The following DNM3 variants were observed in gnomAD, a reference collection of about 807,000 sequenced individuals.
DNM3 encodes the protein dynamin-3.
A neutral mutation model predicts 101.6 loss-of-function variants in DNM3; 47 were observed. The observed-to-expected ratio is 0.46, with a 90% CI of 0.37 to 0.59. The LOEUF is 0.59. DNM3 is among the 20% of genes least tolerant of loss of function. The pLI, the probability that DNM3 is intolerant of heterozygous loss-of-function variation, is 0.00. For synonymous variants in DNM3, 385 were observed against 387.9 expected (o/e 0.99, Z 0.09); for missense variants, 849 against 1,085.7 (o/e 0.78, Z 3.06).
rs748904460 is a variant in DNM3 at position 171,841,666 on chromosome 1, C to T, written c.10C>T (p.Arg4Trp). The T allele has an allele frequency of 3.1e-6, 5 of 1,610,794 alleles. No individual in the cohort carries two copies. The East Asian group carries it at 8.9e-5, about 29-fold the overall frequency. Residue 4 changes from arginine to tryptophan, a missense_variant, in exon 1 of 21, where the codon CGG (arginine) becomes TGG (tryptophan). By Grantham distance (101) the Arg-to-Trp change is moderately radical. Transcript: ENST00000627582. MGN[R>W]EMEELIPLVN... ...CGGCCCCTCGGGCAAGATGGGGAAC[C>T]GGGAGATGGAGGAGCTGATCCCGCT...
intron 4 of DNM3, among the ~76,000 whole-genome samples, chr1:172,025,701 C>T (rs1419907301): frequency 6.6e-6 from 1 of 152,200 alleles, no homozygotes; most frequent in African/African-American, 2.4e-5. Flanking sequence ...AGCAGACCTG[C>T]AGCAGAGGGG....
At chr1:172,042,255 A>G (rs79947128) in intron 8 of DNM3, 111 bp downstream of exon 8, 39,488 of 1,008,482 alleles carry the variant, frequency 0.039, 848 homozygotes, top group Middle Eastern at 0.06. Context: ...AGTTCTTTGA[A>G]CAAAACCTCC....
chr1:172,379,201 C>T lies in DNM3; in HGVS notation c.2058+19C>T. ...CAATAACGTAAGTGATTATAAACTA[C>T]CTCCATTTAACTTCTAACCCATCCG... is the stretch of plus-strand genomic sequence containing the variant. On this transcript the variant is annotated intron_variant, in intron 18 of 20. Transcript: ENST00000627582. 3 of 1,580,782 alleles carry T rather than the reference C, an allele frequency of 1.9e-6. No homozygotes were observed. The highest frequency in any genetic ancestry group is 2.6e-6 in the Non-Finnish European group (3 of 1,160,018).
intron 14 of DNM3, among the ~76,000 whole-genome samples, chr1:172,134,181 G>A (rs898706093): frequency 3.9e-5 from 6 of 152,124 alleles, no homozygotes; most frequent in African/African-American, 1.4e-4. Context: ...TTAAGTTCAA[G>A]GTAGCAAAAT....
At chr1:172,155,762 T>C (rs547229506) in intron 14 of DNM3, among the ~76,000 whole-genome samples, 10 of 152,256 alleles carry the variant, frequency 6.6e-5, no homozygotes, top group African/African-American at 2.2e-4. Context: ...AGGAGTTTGC[T>C]TGGGATGACT....
chr1:172,117,859 T>C (rs1264571506), intron 13 of DNM3, among the ~76,000 whole-genome samples: 1 of 152,180 alleles, frequency 6.6e-6, no homozygotes, highest in African/African-American at 2.4e-5. Flanking sequence ...AAGTTAGAAG[T>C]TGTGAAGTGT....
chr1:172,134,797 T>A (rs1052008780), intron 14 of DNM3, among the ~76,000 whole-genome samples: 1 of 152,026 alleles, frequency 6.6e-6, no homozygotes, highest in Non-Finnish European at 1.5e-5. Context: ...GTACTTTACA[T>A]TGGATGGTCA....
rs138334067 is a variant in DNM3 at position 171,961,676 on chromosome 1, A to G, written c.236-25980A>G. Among the ~76,000 whole-genome samples the G allele has an allele frequency of 5.3e-5, 8 of 152,354 alleles. No individual in the cohort carries two copies. In the East Asian group the frequency reaches 1.3e-3, roughly 26 times the overall value. ...CAATGTTCACAGCAGCATTTTTTAC[A>G]ATAGCTAAACAATTGAAACAAACTG... On this transcript the variant is annotated intron_variant, in intron 2 of 20. Transcript: ENST00000627582.
chr1:172,398,659 C>CGTACAGCCTCCATGGTCA (rs780223213), intron 20 of DNM3, among the ~76,000 whole-genome samples: 47 of 152,298 alleles, frequency 3.1e-4, no homozygotes, highest in Non-Finnish European at 5.1e-4. Context: ...CATCTTCTTA[C>CGTACAGCCTCCATGGTCA]GTACAGCCTC....
intron 17 of DNM3, among the ~76,000 whole-genome samples, chr1:172,361,908 A>G (rs1039257377): frequency 1.3e-5 from 2 of 151,970 alleles, no homozygotes; most frequent in African/African-American, 4.8e-5. Flanking sequence ...CATTGCAAAT[A>G]CCCAACACTT....
At chr1:172,107,211 C>T (rs1468828827) in intron 13 of DNM3, among the ~76,000 whole-genome samples, 1 of 152,080 alleles carries the variant, frequency 6.6e-6, no homozygotes, top group Non-Finnish European at 1.5e-5. Context: ...CTATTAAAAT[C>T]CCTGTTGAAA....
chr1:172,394,558 T>C (rs2069804483), intron 20 of DNM3: 1 of 152,244 alleles, frequency 6.6e-6, no homozygotes, highest in Non-Finnish European at 1.5e-5. Context: ...CAAACACAAC[T>C]GCTTCCACAT....
chr1:172,234,831 C>A (rs529194760), intron 14 of DNM3, among the ~76,000 whole-genome samples: 1 of 152,164 alleles, frequency 6.6e-6, no homozygotes, highest in African/African-American at 2.4e-5. Flanking sequence ...CTTCCTTACA[C>A]CTTATACAAA....
intron 13 of DNM3, among the ~76,000 whole-genome samples, chr1:172,120,207 T>C (rs1287971677): frequency 6.6e-6 from 1 of 152,176 alleles, no homozygotes; most frequent in Non-Finnish European, 1.5e-5. Flanking sequence ...ACAATCATGA[T>C]AGAAGGCAAA....
At chr1:172,321,225 A>T (rs2065699876) in intron 16 of DNM3, among the ~76,000 whole-genome samples, 1 of 152,216 alleles carries the variant, frequency 6.6e-6, no homozygotes, top group African/African-American at 2.4e-5. Context: ...GTAGGAGAAG[A>T]AGAGGAATAG....
chr1:172,207,923 T>A (rs1369916575), intron 14 of DNM3, among the ~76,000 whole-genome samples: 1 of 152,074 alleles, frequency 6.6e-6, no homozygotes, highest in Non-Finnish European at 1.5e-5. Context: ...ACAAAGAAAG[T>A]GTGTACTTCT....
chr1:172,301,305 C>G (rs1029531388), intron 15 of DNM3, among the ~76,000 whole-genome samples: 8 of 151,936 alleles, frequency 5.3e-5, no homozygotes, highest in African/African-American at 1.9e-4. Flanking sequence ...AGTTCATGAC[C>G]AGCTTGGGCA....
At chr1:172,111,719 A>G (rs1426284801) in intron 13 of DNM3, among the ~76,000 whole-genome samples, 1 of 152,220 alleles carries the variant, frequency 6.6e-6, no homozygotes, top group Non-Finnish European at 1.5e-5. Flanking sequence ...TGCTAAACTC[A>G]GATAGTGAAC....
At chr1:172,288,017 T>C (rs1269210109) in intron 15 of DNM3, among the ~76,000 whole-genome samples, 4 of 152,094 alleles carry the variant, frequency 2.6e-5, no homozygotes, top group African/African-American at 7.2e-5. Flanking sequence ...TGAGGGATAC[T>C]AAGCTAATTC....
Sources: gnomAD v4.1 joint callset for allele counts (sites outside exome capture counted in the v4.1 genomes callset) on GRCh38, gnomAD v4.1.1 for gene constraint, MANE v1.5 for transcripts, NCBI Gene and HGNC (gene_info 2026-07-23, HGNC 2026-07-21) for gene names.